The following A2M variants were observed in gnomAD, a reference collection of about 807,000 sequenced individuals.
A2M encodes the protein alpha-2-macroglobulin.
A2M carries 128 observed loss-of-function variants against 183.9 expected under a neutral mutation model. That is an observed-to-expected ratio of 0.70 (90% confidence interval 0.60 to 0.81). A2M has a LOEUF of 0.81. A2M is among the 30% of genes least tolerant of loss of function. The pLI, the probability that A2M is intolerant of heterozygous loss-of-function variation, is 0.00. For missense variants in A2M, 1,495 were observed against 1,787.6 expected (o/e 0.84, Z 2.95); for synonymous variants, 592 against 670.8 (o/e 0.88, Z 1.81).
In A2M at chr12:9,107,517, A is replaced by C; in HGVS notation, c.879+7T>G. 1 of 1,613,724 alleles carries C rather than the reference A, an allele frequency of 6.2e-7. No individual in the cohort carries two copies. Among genetic ancestry groups the C allele is most frequent in the Non-Finnish European group, 8.5e-7 (1 of 1,179,714 alleles). On this transcript the variant is annotated splice_region_variant and intron_variant, in intron 8 of 35. Transcript: ENST00000318602. ...CTATTCTCTAGAAAAAATAGTGTTC[A>C]ACCTACCTGTCCACTGAATTTCTCA...
chr12:9,068,676 T>A, intron 34 of A2M, 64 bp downstream of exon 34: 1 of 1,308,448 alleles, frequency 7.6e-7, no homozygotes, highest in Non-Finnish European at 1.1e-6. Context: ...CCAACACATC[T>A]CCTAAACCTG....
intron 32 of A2M, among the ~76,000 whole-genome samples, chr12:9,070,136 TTTTTC>T (rs1169397627): frequency 1.3e-5 from 2 of 152,240 alleles, no homozygotes; most frequent in African/African-American, 4.8e-5. Context: ...GCTTGCTCTA[TTTTTC>T]TTTTAACTTC....
chr12:9,083,386 TA>T (rs777468305), intron 22 of A2M, among the ~76,000 whole-genome samples: 39 of 141,448 alleles, frequency 2.8e-4, no homozygotes, highest in African/African-American at 7.5e-4. Flanking sequence ...ACTTAAAGTA[TA>T]AAAAAAAAAG....
chr12:9,079,829 G>A lies in A2M; in HGVS notation c.2855-14C>T, dbSNP rs775617699. ...CTAATATGTCTCCTAGAGAATGGGA[G>A]AGATGGGAAGTCATAAAGCTTGGAG... On this transcript the variant is annotated splice_polypyrimidine_tract_variant and intron_variant, in intron 23 of 35. Coordinates refer to ENST00000318602, the MANE Select transcript of A2M (RefSeq NM_000014.6). 10 of 1,563,566 alleles carry A rather than the reference G, an allele frequency of 6.4e-6. No individual in the cohort carries two copies. The highest frequency in any genetic ancestry group is 7.8e-6 in the Non-Finnish European group (9 of 1,156,562).
At chr12:9,088,454 G>A (rs1949112442) in intron 22 of A2M, among the ~76,000 whole-genome samples, 1 of 152,068 alleles carries the variant, frequency 6.6e-6, no homozygotes, top group African/African-American at 2.4e-5. Context: ...CTTAAATGTA[G>A]AAATAAGGCT....
At chr12:9,103,977 CA>C (rs1774498209) in intron 11 of A2M, among the ~76,000 whole-genome samples, 1 of 152,248 alleles carries the variant, frequency 6.6e-6, no homozygotes, top group South Asian at 2.1e-4. Flanking sequence ...TTAATTTTTT[CA>C]GGAACTACTA....
rs1013277522 is a variant in A2M at position 9,099,431 on chromosome 12, C to T, written c.1651G>A (p.Val551Met). The T allele has an allele frequency of 3.8e-6, 6 of 1,590,900 alleles. No homozygotes were observed. Among genetic ancestry groups the T allele is most frequent in the South Asian group, 1.1e-5 (1 of 86,988 alleles). ...TCATATTTTGCAGAATCCCCAATCA[C>T]GTCCCCGGTAGGTAAAACAGCATAG... is the stretch of plus-strand genomic sequence containing the variant. ...LIYAVLPTGD[V>M]IGDSAKYDVE... The change falls in exon 14 of 36, where the codon GTG (valine) becomes ATG (methionine). Residue 551 changes from valine (V) to methionine (M), a missense_variant. Transcript: ENST00000318602.
chr12:9,072,209 T>C (rs1178966520), intron 31 of A2M, 150 bp downstream of exon 31: 1 of 909,416 alleles, frequency 1.1e-6, no homozygotes, highest in Non-Finnish European at 1.6e-6. Context: ...AACCCCATCA[T>C]TGAGAAATTA....
At chr12:9,094,340 C>CAA in intron 17 of A2M, among the ~76,000 whole-genome samples, 1 of 97,030 alleles carries the variant, frequency 1.0e-5, no homozygotes, top group East Asian at 3.7e-4. Flanking sequence ...AAAAATTGTG[C>CAA]ATATATATAT....
At chr12:9,095,117 A>G in intron 16 of A2M, 33 bp from the exon 17 acceptor site, 1 of 1,118,252 alleles carries the variant, frequency 8.9e-7, no homozygotes, top group South Asian at 1.7e-5. Flanking sequence ...ATCAGTAAAT[A>G]TATATTATAA....
At chr12:9,113,606 CT>C in intron 1 of A2M, 63 bp from the exon 2 acceptor site, 1 of 1,462,080 alleles carries the variant, frequency 6.8e-7, no homozygotes. Context: ...ATCAACAGCA[CT>C]TTTTTCCATC....
chr12:9,109,145 A>G (rs772964655), intron 7 of A2M, among the ~76,000 whole-genome samples, 176 bp downstream of exon 7: 2 of 152,240 alleles, frequency 1.3e-5, no homozygotes, highest in Non-Finnish European at 2.9e-5. Context: ...TAAGAACGTG[A>G]AAGAAAATAA....
chr12:9,068,624 A>G (rs1412077653), intron 34 of A2M, 116 bp downstream of exon 34: 1 of 859,454 alleles, frequency 1.2e-6, no homozygotes, highest in Non-Finnish European at 1.9e-6. Flanking sequence ...TGATGGAGAC[A>G]AAATGAAGTG....
intron 24 of A2M, 70 bp from the exon 25 acceptor site, chr12:9,079,401 A>G: frequency 6.9e-7 from 1 of 1,457,758 alleles, no homozygotes; most frequent in Non-Finnish European, 9.6e-7. Flanking sequence ...AATTACTAAA[A>G]GTACCTTGGC....
rs914626465 is a variant in A2M, at chr12:9,096,993, C to G, written c.1852-1293G>C. ...TTCATTGGTAAGACACTAATCAAAG[C>G]TTGAGAAGAGTTGGTGTTTTAACTC... On this transcript the variant is annotated intron_variant, in intron 15 of 35. Coordinates refer to ENST00000318602, the MANE Select transcript of A2M (RefSeq NM_000014.6). Among the ~76,000 whole-genome samples the G allele has an allele frequency of 7.9e-5, 12 of 152,266 alleles. No homozygotes were observed. In the East Asian group the frequency reaches 1.5e-3, roughly 20 times the overall value.
chr12:9,095,324 C>T (rs778413617), intron 16 of A2M, among the ~76,000 whole-genome samples: 29 of 152,140 alleles, frequency 1.9e-4, no homozygotes, highest in African/African-American at 6.3e-4. Flanking sequence ...GCAATTAATT[C>T]CTGTGAAAAA....
chr12:9,082,082 T>A (rs1275359541), intron 22 of A2M, among the ~76,000 whole-genome samples: 1 of 152,186 alleles, frequency 6.6e-6, no homozygotes, highest in Non-Finnish European at 1.5e-5. Context: ...GTGTATTTCA[T>A]AGAAGTGTAG....
At chr12:9,075,174 A>G (rs768568074) in intron 28 of A2M, among the ~76,000 whole-genome samples, 1 of 152,350 alleles carries the variant, frequency 6.6e-6, no homozygotes, top group South Asian at 2.1e-4. Context: ...CACAGATCAC[A>G]TGAAATAGTA....
chr12:9,081,978 G>C (rs2137720348), intron 22 of A2M, among the ~76,000 whole-genome samples: 1 of 152,300 alleles, frequency 6.6e-6, no homozygotes, highest in Non-Finnish European at 1.5e-5. Context: ...ATGTTGGGAA[G>C]TTCAACCTAG....
Sources: allele counts gnomAD v4.1 joint callset (sites outside exome capture counted in the v4.1 genomes callset), GRCh38; gene constraint gnomAD v4.1.1; transcripts MANE v1.5; gene names NCBI Gene and HGNC (gene_info 2026-07-23, HGNC 2026-07-21).